The following KCNB2 variants were observed in gnomAD, a reference collection of about 807,000 sequenced individuals.
KCNB2 encodes potassium voltage-gated channel subfamily B member 2.
KCNB2 carries 15 observed loss-of-function variants against 61.5 expected under a neutral mutation model. That is an observed-to-expected ratio of 0.24 (90% CI 0.16 to 0.38). The LOEUF is 0.38. Among genes scored for constraint, KCNB2 ranks in the 10% least tolerant of loss-of-function variants. The pLI, the probability that KCNB2 is intolerant of heterozygous loss-of-function variation, is 1.00. For missense variants in KCNB2, 828 were observed against 1,125.2 expected, an observed-to-expected ratio of 0.74 and a Z score of 3.78; for synonymous variants, 457 against 446.0, an observed-to-expected ratio of 1.02 and a Z score of -0.31.
At chr8:72,786,415 C>T (rs1376326281) in intron 2 of KCNB2, among the ~76,000 whole-genome samples, 1 of 152,102 alleles carries the variant, frequency 6.6e-6, no homozygotes, top group Non-Finnish European at 1.5e-5. Flanking sequence ...CTACCCAATG[C>T]TTTATTCTTT....
rs905731536 is a variant in KCNB2, at chr8:72,688,295, T to G, written c.579+119982T>G. Among the ~76,000 whole-genome samples, 4 of 152,274 alleles carry G rather than the reference T, an allele frequency of 2.6e-5. No individual in the cohort carries two copies. In the East Asian group the frequency reaches 7.7e-4, roughly 29 times the overall value. On this transcript the variant is annotated intron_variant, in intron 2 of 2. Coordinates refer to ENST00000523207, the MANE Select transcript of KCNB2 (RefSeq NM_004770.3). Reference sequence around the variant, plus strand: ...GCTTTCTGAACTGATTTCTTATTGTTCTCTGAGTTTGCATGCATTGCTGTA... The same window carrying G: ...GCTTTCTGAACTGATTTCTTATTGTGCTCTGAGTTTGCATGCATTGCTGTA...
At chr8:72,746,956 C>A (rs1173109856) in intron 2 of KCNB2, among the ~76,000 whole-genome samples, 1 of 152,120 alleles carries the variant, frequency 6.6e-6, no homozygotes, top group Non-Finnish European at 1.5e-5. Flanking sequence ...ATCACAATTC[C>A]TGAGGAAATC....
At chr8:72,650,150 A>G (rs1806191499) in intron 2 of KCNB2, among the ~76,000 whole-genome samples, 2 of 152,188 alleles carry the variant, frequency 1.3e-5, no homozygotes, top group South Asian at 4.1e-4. Flanking sequence ...GTTTGTGGGG[A>G]AAAAATAGTT....
chr8:72,689,964 T>C, intron 2 of KCNB2, among the ~76,000 whole-genome samples: 1 of 151,556 alleles, frequency 6.6e-6, no homozygotes, highest in East Asian at 1.9e-4. Context: ...TTTGTGATGC[T>C]AGAACAAAAC....
At position 72,858,382 on chromosome 8, in the gene KCNB2, T is replaced by C. The variant is rs897600736; in HGVS notation, c.580-77553T>C. Among the ~76,000 whole-genome samples, 2 of 152,188 alleles carry C rather than the reference T, an allele frequency of 1.3e-5. 1 individual carries two copies. On this transcript the variant is annotated intron_variant, in intron 2 of 2. Transcript: ENST00000523207. Reference sequence around the variant, plus strand: ...ATAATCAAGTCCATTAACAGCACTATTGTAACTTTTTTTAAAAAAAAGATG... The same window carrying C: ...ATAATCAAGTCCATTAACAGCACTACTGTAACTTTTTTTAAAAAAAAGATG...
chr8:72,788,166 C>T (rs529875994), intron 2 of KCNB2, among the ~76,000 whole-genome samples: 1 of 152,212 alleles, frequency 6.6e-6, no homozygotes, highest in South Asian at 2.1e-4. Context: ...TATTTTATAG[C>T]GAAAATTGTA....
intron 2 of KCNB2, among the ~76,000 whole-genome samples, chr8:72,931,598 T>C (rs1017805946): frequency 2.6e-5 from 4 of 152,132 alleles, no homozygotes; most frequent in African/African-American, 9.7e-5. Flanking sequence ...GGCTCTCTGT[T>C]TGTCTGTTAT....
intron 2 of KCNB2, among the ~76,000 whole-genome samples, chr8:72,807,658 G>C (rs751287291): frequency 6.6e-6 from 1 of 152,172 alleles, no homozygotes; most frequent in Non-Finnish European, 1.5e-5. Context: ...CCAAAAAACT[G>C]CTCAGCAGCA....
intron 2 of KCNB2, among the ~76,000 whole-genome samples, chr8:72,920,473 C>CTA (rs1554544463): frequency 0.015 from 1,207 of 78,786 alleles, 165 homozygotes; most frequent in African/African-American, 0.05. Context: ...ATCTATCTAT[C>CTA]TATATATATA....
chr8:72,735,661 A>G (rs774852717), intron 2 of KCNB2, among the ~76,000 whole-genome samples: 5 of 152,100 alleles, frequency 3.3e-5, no homozygotes, highest in Non-Finnish European at 5.9e-5. Context: ...AGCTAATTTT[A>G]TTTGCTTAGT....
intron 2 of KCNB2, among the ~76,000 whole-genome samples, chr8:72,686,097 T>C (rs1299780734): frequency 6.6e-6 from 1 of 152,236 alleles, no homozygotes; most frequent in Non-Finnish European, 1.5e-5. Flanking sequence ...AGGAGAGCTC[T>C]CTTAATGCCA....
chr8:72,842,799 T>G (rs576344041), intron 2 of KCNB2, among the ~76,000 whole-genome samples: 1 of 152,342 alleles, frequency 6.6e-6, no homozygotes, highest in South Asian at 2.1e-4. Flanking sequence ...TATCATTTTT[T>G]ATTGTGTCTA....
At chr8:72,549,057 A>G (rs942687573) in intron 1 of KCNB2, among the ~76,000 whole-genome samples, 1 of 152,150 alleles carries the variant, frequency 6.6e-6, no homozygotes, top group African/African-American at 2.4e-5. Flanking sequence ...TTCTGTTTCA[A>G]TCGTTTTTTA....
At chr8:72,882,620 A>T (rs1161822655) in intron 2 of KCNB2, among the ~76,000 whole-genome samples, 1 of 151,600 alleles carries the variant, frequency 6.6e-6, no homozygotes, top group Non-Finnish European at 1.5e-5. Context: ...AGTGAGACCC[A>T]GTCGGTCGTG....
chr8:72,841,461 T>A (rs188832581), intron 2 of KCNB2, among the ~76,000 whole-genome samples: 2 of 147,936 alleles, frequency 1.4e-5, no homozygotes, highest in Admixed American at 1.4e-4. Context: ...TTTTTCCAAT[T>A]CTCTGAAGAA....
At chr8:72,725,431 G>A (rs1313621617) in intron 2 of KCNB2, among the ~76,000 whole-genome samples, 4 of 150,066 alleles carry the variant, frequency 2.7e-5, no homozygotes, top group Non-Finnish European at 5.9e-5. Context: ...TAGGGAAGTC[G>A]GCTCTCTCTT....
Position 72,938,166 on chromosome 8 carries a change from GC to G in KCNB2, c.*77del, listed in dbSNP as rs1585990042. ...GTTTCTTAAAAATGCGGTTAATAAT[GC>G]CTGTGAACTAAAAAAATGGGAAGCC... On this transcript the variant is annotated 3_prime_UTR_variant, in exon 3 of 3. Transcript: ENST00000523207. 6.6e-6 allele frequency: 8 copies of G among 1,216,618 alleles called. No individual in the cohort carries two copies. The highest frequency in any genetic ancestry group is 8.1e-6 in the Non-Finnish European group (7 of 862,466). The allele number at this position is 1,216,618 out of a possible 1,614,324, so 75.4% of individuals were successfully genotyped here.
At chr8:72,873,077 T>C in intron 2 of KCNB2, among the ~76,000 whole-genome samples, 1 of 152,122 alleles carries the variant, frequency 6.6e-6, no homozygotes, top group East Asian at 1.9e-4. Context: ...CAGTACAAAG[T>C]CAGGTTCTTC....
intron 2 of KCNB2, among the ~76,000 whole-genome samples, chr8:72,662,332 C>T (rs769119308): frequency 9.9e-5 from 15 of 152,118 alleles, no homozygotes; most frequent in Non-Finnish European, 1.6e-4. Context: ...GAGCATGCTA[C>T]CCATGGCCAA....
Sources: allele counts gnomAD v4.1 joint callset (sites outside exome capture counted in the v4.1 genomes callset), GRCh38; gene constraint gnomAD v4.1.1; transcripts MANE v1.5; gene names NCBI Gene and HGNC (gene_info 2026-07-23, HGNC 2026-07-21).